GEMIN5: variants seen among roughly 807,000 people sequenced by gnomAD.
GEMIN5 encodes the protein gem-associated protein 5.
GEMIN5 carries 124 observed loss-of-function variants against 176.9 expected under a neutral mutation model. That is an observed-to-expected ratio of 0.70 (90% CI 0.61 to 0.81). The LOEUF is 0.81. Ranked by LOEUF, GEMIN5 falls within the 40% of genes least tolerant of loss-of-function variation. The probability of loss-of-function intolerance (pLI) is 0.00; values close to 1 mark genes in which losing one functional copy is unlikely to be tolerated. For synonymous variants in GEMIN5, 673 were observed against 665.2 expected, an observed-to-expected ratio of 1.01 and a Z score of -0.18; for missense variants, 1,843 against 1,814.6, an observed-to-expected ratio of 1.02 and a Z score of -0.28.
intron 9 of GEMIN5, 49 bp downstream of exon 9, chr5:154,924,420 C>T (rs772831933): frequency 1.6e-6 from 2 of 1,216,662 alleles, no homozygotes; most frequent in Admixed American, 1.8e-5. Flanking sequence ...GGGTGGCCAA[C>T]CTTTTGGCTC....
In GEMIN5 at chr5:154,937,992, T is replaced by A. The variant is rs147885463; in HGVS notation, c.142A>T (p.Ser48Cys). 8.3e-4 allele frequency: 1,301 copies of A among 1,573,396 alleles called. 4 individuals are homozygous for A. Among genetic ancestry groups the A allele is most frequent in the Admixed American group, 2.1e-3 (114 of 55,080 alleles). Residue 48 changes from serine (S) to cysteine (C), a missense_variant, in exon 1 of 28, where the codon AGT becomes TGT. Physicochemically the swap from Ser to Cys is moderately radical, Grantham distance 112. Transcript: ENST00000285873. ...CCTCGAAACGGGGGTGTCCCTGGAC[T>A]CTCGCCTGCGCCCGGGCCCACGCGG... ...LVRVGPGAGE[S>C]PGTPPFRVIG... is the part of the protein sequence containing the mutation.
chr5:154,931,981 G>T, intron 4 of GEMIN5, 118 bp downstream of exon 4: 1 of 817,870 alleles, frequency 1.2e-6, no homozygotes, highest in Non-Finnish European at 1.9e-6. Flanking sequence ...CTCCAGCCTA[G>T]GCAACAAAAG....
intron 2 of GEMIN5, among the ~76,000 whole-genome samples, chr5:154,936,528 A>T (rs998921190): frequency 1.3e-5 from 2 of 152,342 alleles, no homozygotes; most frequent in South Asian, 2.1e-4. Context: ...ATCATTAAAA[A>T]TTTTTTAAAT....
chr5:154,937,866 TCA>T (rs1304551798), intron 1 of GEMIN5, 100 bp downstream of exon 1: 1 of 1,064,956 alleles, frequency 9.4e-7, no homozygotes, highest in African/African-American at 1.7e-5. Flanking sequence ...AGCCTGGGCC[TCA>T]GTTTCCCTAG....
In GEMIN5 at chr5:154,891,471, T is replaced by C. The variant is rs1353469619; in HGVS notation, c.4032A>G (p.Arg1344=). 6.2e-7 allele frequency: 1 copy of C among 1,614,090 alleles called. No homozygotes were observed. Among genetic ancestry groups the C allele is most frequent in the Admixed American group, 1.7e-5 (1 of 60,008 alleles). ...GCATTCGCTCACCTTCTTCTGTGAG[T>C]CTCAAGTCTAGTTCTGAAGGCCTGT... ...EPNRPSELDL[R]LTEEGERMLS... Residue 1344 remains arginine, a synonymous_variant, in exon 26 of 28, where the codon AGA becomes AGG. Coordinates refer to ENST00000285873, the MANE Select transcript of GEMIN5 (RefSeq NM_015465.5).
At position 154,893,105 on chromosome 5, in the gene GEMIN5, C is replaced by A. The variant is rs564324571; in HGVS notation, c.3598-556G>T. Among the ~76,000 whole-genome samples the A allele has an allele frequency of 8.5e-3, 1,284 of 151,730 alleles. 14 individuals are homozygous for A. The highest frequency in any genetic ancestry group is 0.03 in the African/African-American group (1,222 of 41,330). On this transcript the variant is annotated intron_variant, in intron 24 of 27. Transcript: ENST00000285873. ...GAGTGAGACTCCCTCTCAAAACAAA[C>A]AAACAAACAACAAAAACAAAAAGTG...
rs1763145107 is a variant in GEMIN5 at position 154,888,027 on chromosome 5, A to C, written c.*183T>G. On this transcript the variant is annotated 3_prime_UTR_variant, in exon 28 of 28. Coordinates refer to ENST00000285873, the MANE Select transcript of GEMIN5 (RefSeq NM_015465.5). ...CAGTAGGAGACCACAATTGAGTCTA[A>C]AGTCAGATCCACCGTTGTCTATGGG... 1 of 595,782 alleles carries C rather than the reference A, an allele frequency of 1.7e-6. No homozygotes were observed. Among genetic ancestry groups the C allele is most frequent in the Admixed American group, 3.0e-5 (1 of 32,986 alleles). 36.9% of individuals were successfully genotyped at this position (595,782 alleles called of 1,614,324 possible).
intron 13 of GEMIN5, among the ~76,000 whole-genome samples, chr5:154,913,889 T>G (rs1044220796): frequency 3.3e-5 from 5 of 152,144 alleles, no homozygotes; most frequent in Non-Finnish European, 7.4e-5. Flanking sequence ...TAGTCCCAAC[T>G]ACTCAGGAGA....
Position 154,921,381 on chromosome 5 carries a change from G to C in GEMIN5, c.1424C>G (p.Thr475Ser), listed in dbSNP as rs761537142. The C allele has an allele frequency of 6.7e-7, 1 of 1,489,918 alleles. No individual in the cohort carries two copies. Among genetic ancestry groups the C allele is most frequent in the East Asian group, 2.4e-5 (1 of 42,328 alleles). 92.3% of individuals were successfully genotyped at this position (1,489,918 alleles called of 1,614,324 possible). ...SSTYHKKTVY[T>S]LAWGPPVPPM... ...GGGTACTGGTGGCCCCCAGGCTAAA[G>C]TATATACAGTCTTCTTATGATATGT... The change falls in exon 10 of 28, where the codon ACT becomes AGT. Residue 475 changes from threonine to serine, a missense_variant. Physicochemically the swap from Thr to Ser is moderately conservative, Grantham distance 58. Coordinates refer to ENST00000285873, the MANE Select transcript of GEMIN5 (RefSeq NM_015465.5).
chr5:154,930,710 A>G (rs1466305084), intron 5 of GEMIN5, among the ~76,000 whole-genome samples: 2 of 152,198 alleles, frequency 1.3e-5, no homozygotes, highest in African/African-American at 2.4e-5. Context: ...TGGAGAGTAG[A>G]ATTCTGGAGA....
At position 154,888,099 on chromosome 5, in the gene GEMIN5, T is replaced by C; in HGVS notation, c.*111A>G. ...TAATCCTTGTTTGTATTCTTTTGGA[T>C]TACTGCAAAAACATCTAGGGACCAG... is the stretch of plus-strand genomic sequence containing the variant. On this transcript the variant is annotated 3_prime_UTR_variant, in exon 28 of 28. Coordinates refer to ENST00000285873, the MANE Select transcript of GEMIN5 (RefSeq NM_015465.5). 1.0e-6 allele frequency: 1 copy of C among 995,204 alleles called. No individual in the cohort carries two copies. The highest frequency in any genetic ancestry group is 1.6e-5 in the African/African-American group (1 of 61,772). 61.6% of individuals were successfully genotyped at this position (995,204 alleles called of 1,614,324 possible). A position where few individuals can be genotyped will look rare whatever the true frequency, so the allele number is the denominator to read the frequency against.
At chr5:154,923,979 A>G (rs1390699993) in intron 9 of GEMIN5, among the ~76,000 whole-genome samples, 2 of 152,260 alleles carry the variant, frequency 1.3e-5, no homozygotes, top group African/African-American at 2.4e-5. Context: ...TCTAGTAGCC[A>G]TATTTTAAAA....
At chr5:154,908,135 C>T (rs1016097606) in intron 15 of GEMIN5, among the ~76,000 whole-genome samples, 1 of 148,102 alleles carries the variant, frequency 6.8e-6, no homozygotes, top group Admixed American at 6.7e-5. Context: ...CTACTCCATA[C>T]TCTCTATTTA....
chr5:154,924,387 A>C, intron 9 of GEMIN5, 82 bp downstream of exon 9: 1 of 758,016 alleles, frequency 1.3e-6, no homozygotes, highest in Non-Finnish European at 2.3e-6. Flanking sequence ...TGAAAAGGAA[A>C]GTGAGGGATT....
chr5:154,925,812 T>C (rs1467891738), intron 8 of GEMIN5, 50 bp downstream of exon 8: 1 of 1,031,920 alleles, frequency 9.7e-7, no homozygotes, highest in East Asian at 2.4e-5. Flanking sequence ...TAAAAGAGAA[T>C]TATTTGGAAA....
chr5:154,896,437 T>A, intron 23 of GEMIN5, 94 bp from the exon 24 acceptor site: 1 of 1,311,020 alleles, frequency 7.6e-7, no homozygotes, highest in Admixed American at 2.9e-5. Context: ...TATTTCCCTT[T>A]GTATCTGCAG....
At chr5:154,908,116 T>A (rs1018018649) in intron 15 of GEMIN5, among the ~76,000 whole-genome samples, 1 of 148,902 alleles carries the variant, frequency 6.7e-6, no homozygotes, top group Non-Finnish European at 1.5e-5. Flanking sequence ...CACGATTCAC[T>A]ACTGCCACCT....
intron 8 of GEMIN5, among the ~76,000 whole-genome samples, chr5:154,924,954 A>G (rs981412163): frequency 2.0e-5 from 3 of 152,130 alleles, no homozygotes; most frequent in Non-Finnish European, 4.4e-5. Context: ...GTGCCACTGC[A>G]CTCCAGCCTG....
In GEMIN5 at chr5:154,938,153, C is replaced by T. The variant is rs898441180; in HGVS notation, c.-20G>A. ...CCCCATAACTACAAGCCGTCAGAGA[C>T]AAGAGAAGCTGCCACAGCCGACCGC... On this transcript the variant is annotated 5_prime_UTR_variant, in exon 1 of 28. Coordinates refer to ENST00000285873, the MANE Select transcript of GEMIN5 (RefSeq NM_015465.5). 2.2e-6 allele frequency: 3 copies of T among 1,355,484 alleles called. No homozygotes were observed. Among genetic ancestry groups the T allele is most frequent in the Non-Finnish European group, 2.9e-6 (3 of 1,047,010 alleles). The allele number at this position is 1,355,484 out of a possible 1,614,324, so 84.0% of individuals were successfully genotyped here.
Sources: allele counts gnomAD v4.1 joint callset (sites outside exome capture counted in the v4.1 genomes callset), GRCh38; gene constraint gnomAD v4.1.1; transcripts MANE v1.5; gene names NCBI Gene and HGNC (gene_info 2026-07-23, HGNC 2026-07-21).